ESYT1: variants seen among roughly 807,000 people sequenced by gnomAD.
ESYT1 encodes the protein extended synaptotagmin-1.
Under a neutral mutation model 154.2 loss-of-function variants are expected in ESYT1, and 116 were observed. The ratio of observed to expected loss-of-function variants is 0.75; its 90% CI spans 0.65 to 0.88. The LOEUF is 0.88. Among genes scored for constraint, ESYT1 ranks in the 40% least tolerant of loss-of-function variants. The pLI is 0.00. For missense variants in ESYT1, 1,264 were observed against 1,379.3 expected, an observed-to-expected ratio of 0.92 and a Z score of 1.32; for synonymous variants, 500 against 539.9, an observed-to-expected ratio of 0.93 and a Z score of 1.02.
At chr12:56,131,887 G>T (rs1015034803) in intron 7 of ESYT1, 83 bp downstream of exon 7, 4 of 1,383,566 alleles carry the variant, frequency 2.9e-6, no homozygotes, top group Admixed American at 1.7e-5. Flanking sequence ...CAAAGATGCT[G>T]CTTGTGTCCT....
intron 15 of ESYT1, among the ~76,000 whole-genome samples, chr12:56,136,526 A>T (rs1197011436): frequency 6.7e-6 from 1 of 150,066 alleles, no homozygotes; most frequent in Non-Finnish European, 1.5e-5. Flanking sequence ...AGGAGGTCGA[A>T]GTTGCAGTGA....
chr12:56,134,021 G>T, intron 13 of ESYT1, 89 bp from the exon 14 acceptor site: 1 of 1,567,994 alleles, frequency 6.4e-7, no homozygotes, highest in Non-Finnish European at 8.8e-7. Flanking sequence ...CCATCTCAGG[G>T]AAAGGATTCT....
chr12:56,132,102 G>C, intron 7 of ESYT1, 107 bp from the exon 8 acceptor site: 1 of 1,543,284 alleles, frequency 6.5e-7, no homozygotes, highest in Non-Finnish European at 8.9e-7. Context: ...TTCACAAAAG[G>C]ACTTTCTTAC....
intron 19 of ESYT1, 32 bp downstream of exon 19, chr12:56,137,946 G>A: frequency 6.2e-7 from 1 of 1,613,666 alleles, no homozygotes; most frequent in South Asian, 1.1e-5. Context: ...TGAAAAACAG[G>A]CTGGGGCTCT....
chr12:56,138,356 A>ACC (rs1298923900), intron 21 of ESYT1, 48 bp from the exon 22 acceptor site: 7 of 1,612,156 alleles, frequency 4.3e-6, no homozygotes, highest in Middle Eastern at 3.3e-4. Context: ...ACATGCCAGA[A>ACC]CCCAAGGTGT....
intron 22 of ESYT1, 121 bp downstream of exon 22, chr12:56,138,620 A>G (rs1204525404): frequency 3.8e-5 from 49 of 1,279,692 alleles, no homozygotes; most frequent in Middle Eastern, 4.5e-4. Context: ...AGGGTAGTGC[A>G]GGGGTGGGAA....
rs768463517 is a variant in ESYT1 at position 56,137,521 on chromosome 12, T to C, written c.1961T>C (p.Leu654Ser). The C allele has an allele frequency of 3.1e-6, 5 of 1,613,674 alleles. No homozygotes were observed. In the African/African-American group the frequency reaches 6.7e-5, roughly 22 times the overall value. ...CAGCATGTGCTTCGGATCCATGTAT[T>C]AGAGGCCCAGGACCTGATTGCCAAA... ...GTEHVLRIHV[L>S]EAQDLIAKDR... Residue 654 changes from leucine to serine, a missense_variant, in exon 18 of 31, where the codon TTA (leucine) becomes TCA (serine). By Grantham distance (145) the Leu-to-Ser change is moderately radical. Coordinates refer to ENST00000394048, the MANE Select transcript of ESYT1 (RefSeq NM_015292.3).
At position 56,138,061 on chromosome 12, in the gene ESYT1, G is replaced by C. The variant is rs1870537221; in HGVS notation, c.2234G>C (p.Gly745Ala). Residue 745 changes from glycine to alanine, a missense_variant, in exon 20 of 31, where the codon GGC (glycine) becomes GCC (alanine). Gly to Ala is a moderately conservative substitution (Grantham distance 60, BLOSUM62 0). Coordinates refer to ENST00000394048, the MANE Select transcript of ESYT1 (RefSeq NM_015292.3). ...CGTCTCACCACAGTCTTAAACAGTG[G>C]CTTCCTTGATGAGGTGAGCATTGAA... Reference protein sequence around the residue: ...KVRLTTVLNSGFLDEWLTLED... With the variant: ...KVRLTTVLNSAFLDEWLTLED... The C allele has an allele frequency of 1.2e-6, 2 of 1,614,004 alleles. No individual in the cohort carries two copies. The highest frequency in any genetic ancestry group is 1.3e-5 in the African/African-American group (1 of 74,908).
In ESYT1 at chr12:56,132,580, T is replaced by G. The variant is rs1222875311; in HGVS notation, c.1144T>G (p.Trp382Gly). The G allele has an allele frequency of 1.9e-6, 3 of 1,614,112 alleles. No homozygotes were observed. The highest frequency in any genetic ancestry group is 2.5e-6 in the Non-Finnish European group (3 of 1,180,020). The change falls in exon 9 of 31, where the codon TGG becomes GGG. Residue 382 changes from tryptophan to glycine, a missense_variant. Physicochemically the swap from Trp to Gly is radical, Grantham distance 184 (BLOSUM62 -2). Coordinates refer to ENST00000394048, the MANE Select transcript of ESYT1 (RefSeq NM_015292.3). ...CATTGATGAAGAACTCAACCCACAG[T>G]GGGGAGAGACTTATGAGGTGGGAGA... Reference protein sequence around the residue: ...RVIDEELNPQWGETYEVMVHE... With the variant: ...RVIDEELNPQGGETYEVMVHE...
intron 1 of ESYT1, 113 bp downstream of exon 1, chr12:56,128,822 C>T (rs1242356955): frequency 1.5e-6 from 2 of 1,344,888 alleles, no homozygotes; most frequent in South Asian, 1.3e-5. Flanking sequence ...CAGTGGGCCC[C>T]AGACTTTCCC....
chr12:56,133,962 T>C, intron 13 of ESYT1, 89 bp downstream of exon 13: 2 of 1,536,230 alleles, frequency 1.3e-6, no homozygotes, highest in South Asian at 2.2e-5. Context: ...CCTGCTTTGC[T>C]CCAGAAGTAT....
At chr12:56,132,151 G>A in intron 7 of ESYT1, 58 bp from the exon 8 acceptor site, 1 of 1,613,072 alleles carries the variant, frequency 6.2e-7, no homozygotes, top group Non-Finnish European at 8.5e-7. Context: ...ACATAGTTGG[G>A]GTTAGGAGAA....
intron 1 of ESYT1, 81 bp downstream of exon 1, chr12:56,128,790 G>A: frequency 6.4e-7 from 1 of 1,551,898 alleles, no homozygotes; most frequent in Non-Finnish European, 8.8e-7. Context: ...CTTATGCCTA[G>A]AGTCAGCTCC....
At chr12:56,133,902 TG>T in intron 13 of ESYT1, 29 bp downstream of exon 13, 1 of 1,606,216 alleles carries the variant, frequency 6.2e-7, no homozygotes, top group Non-Finnish European at 8.5e-7. Context: ...ACAGGAGCCC[TG>T]GATGTAACAT....
chr12:56,143,797 T>C (rs760686519), intron 30 of ESYT1, 26 bp from the exon 31 acceptor site: 1 of 1,614,120 alleles, frequency 6.2e-7, no homozygotes, highest in South Asian at 1.1e-5. Context: ...AAGAGTCATC[T>C]TTCTACATGA....
intron 24 of ESYT1, among the ~76,000 whole-genome samples, chr12:56,141,704 C>T (rs572253450): frequency 1.3e-4 from 20 of 152,230 alleles, no homozygotes; most frequent in South Asian, 4.1e-4. Flanking sequence ...TGCGCCACTG[C>T]ACTCCAGCCT....
rs372673062 is a variant in ESYT1, at chr12:56,142,272, T to C, written c.2593-13T>C. On this transcript the variant is annotated splice_polypyrimidine_tract_variant and intron_variant, in intron 24 of 30. Coordinates refer to ENST00000394048, the MANE Select transcript of ESYT1 (RefSeq NM_015292.3). This position sits in a 1 kb window ranked among gnomAD's most constrained non-coding sequence, Gnocchi z 4.1. ...TGCATTCGCCTCTTGATCATGGTCCTGTTGCCCCACAGGTTCGGGGTGAGG... is the reference window on the plus strand; with the variant it reads ...TGCATTCGCCTCTTGATCATGGTCCCGTTGCCCCACAGGTTCGGGGTGAGG... 23 of 1,613,306 alleles carry C rather than the reference T, an allele frequency of 1.4e-5. No individual in the cohort carries two copies. Among genetic ancestry groups the C allele is most frequent in the Non-Finnish European group, 1.9e-5 (22 of 1,179,606 alleles).
intron 12 of ESYT1, 28 bp downstream of exon 12, chr12:56,133,702 G>T (rs2136873192): frequency 6.2e-7 from 1 of 1,613,794 alleles, no homozygotes; most frequent in African/African-American, 1.3e-5. Flanking sequence ...TAGGAAGCTG[G>T]CAGGGGAGAA....
Position 56,142,686 on chromosome 12 carries a change from ACCT to A in ESYT1, c.2847_2849del (p.Ser950del), listed in dbSNP as rs1565877421. 1 of 1,613,660 alleles carries A rather than the reference ACCT, an allele frequency of 6.2e-7. No homozygotes were observed. Among genetic ancestry groups the A allele is most frequent in the East Asian group, 2.2e-5 (1 of 44,858 alleles). On this transcript the variant is annotated inframe_deletion, in exon 26 of 31. Transcript: ENST00000394048. The surrounding 1 kb of genome is among the most constrained non-coding windows in gnomAD (Gnocchi z 4.1). ...GCTCTCGGGGGGACCCCCTCACATC[ACCT>A]CCTCAGCCCCAGAGCTCCGGCAGCG...
Sources: allele counts gnomAD v4.1 joint callset (sites outside exome capture counted in the v4.1 genomes callset), GRCh38; gene constraint gnomAD v4.1.1; non-coding constraint Gnocchi (gnomAD v3.1); transcripts MANE v1.5; gene names NCBI Gene and HGNC (gene_info 2026-07-23, HGNC 2026-07-21).